Variants in AFF2 observed in about 807,000 individuals in gnomAD.
AFF2 encodes the protein AF4/FMR2 family member 2.
A neutral mutation model predicts 76.9 loss-of-function variants in AFF2; 14 were observed. The observed-to-expected ratio is 0.18, with a 90% CI of 0.12 to 0.28. The LOEUF (loss-of-function observed/expected upper bound fraction) is 0.28. AFF2 is among the 10% of genes least tolerant of loss of function. AFF2 has a pLI of 1.00. For synonymous variants in AFF2, 398 were observed against 366.7 expected (o/e 1.09, Z -0.98); for missense variants, 868 against 1,001.1 (o/e 0.87, Z 1.79).
intron 8 of AFF2, among the ~76,000 whole-genome samples, chrX:148,903,929 A>T (rs1466143709): frequency 9.0e-6 from 1 of 111,312 alleles, no homozygotes; most frequent in Non-Finnish European, 1.9e-5. Flanking sequence ...GACCCTAGTT[A>T]TGCACCCAGA....
At chrX:148,822,735 G>T (rs782556483) in intron 4 of AFF2, among the ~76,000 whole-genome samples, 10 of 109,306 alleles carry the variant, frequency 9.1e-5, no homozygotes, top group Non-Finnish European at 1.7e-4. Context: ...GTGTGTGTGT[G>T]TGTGGCTGAT....
intron 1 of AFF2, among the ~76,000 whole-genome samples, chrX:148,569,516 A>G (rs1273572532): frequency 8.9e-6 from 1 of 111,810 alleles, no homozygotes; most frequent in Non-Finnish European, 1.9e-5. Flanking sequence ...GACACATTTT[A>G]TTTCAGTTTT....
intron 3 of AFF2, among the ~76,000 whole-genome samples, chrX:148,766,690 G>A (rs1374227702): frequency 9.1e-6 from 1 of 110,466 alleles, no homozygotes; most frequent in Non-Finnish European, 1.9e-5. Context: ...CTTTTGCTGT[G>A]CAGAAGCTCT....
chrX:148,807,738 C>T (rs1222261331), intron 3 of AFF2, among the ~76,000 whole-genome samples: 2 of 112,609 alleles, frequency 1.8e-5, no homozygotes, highest in Non-Finnish European at 3.7e-5. Flanking sequence ...TTAAGCCTTT[C>T]TTATAATCCT....
chrX:148,980,063 T>C (rs1315924830), intron 18 of AFF2, among the ~76,000 whole-genome samples: 1 of 111,904 alleles, frequency 8.9e-6, no homozygotes, highest in Non-Finnish European at 1.9e-5. Context: ...GTAGTGGTAA[T>C]GCTGAATGTC....
At chrX:148,876,951 TGAG>T (rs1286789707) in intron 7 of AFF2, among the ~76,000 whole-genome samples, 1 of 111,223 alleles carries the variant, frequency 9.0e-6, no homozygotes, top group African/African-American at 3.3e-5. Context: ...CAGGTTCTGT[TGAG>T]GAGTTTTCTG....
intron 9 of AFF2, among the ~76,000 whole-genome samples, chrX:148,927,690 G>A (rs1557283935): frequency 1.8e-5 from 2 of 111,948 alleles, no homozygotes; most frequent in Non-Finnish European, 3.8e-5. Flanking sequence ...GTGGCGTTCT[G>A]CATTCTACTG....
At chrX:148,863,071 G>A (rs782112315) in intron 7 of AFF2, among the ~76,000 whole-genome samples, 1 of 111,777 alleles carries the variant, frequency 8.9e-6, no homozygotes, top group South Asian at 3.7e-4. Context: ...CTCAGTGATT[G>A]TATTTGGACT....
At chrX:148,855,200 C>T (rs782591455) in intron 7 of AFF2, among the ~76,000 whole-genome samples, 12 of 111,341 alleles carry the variant, frequency 1.1e-4, no homozygotes, top group Admixed American at 1.9e-4. Context: ...CCTCTCACCT[C>T]ATTTGCGAGT....
chrX:148,533,393 C>A (rs191011896), intron 1 of AFF2, among the ~76,000 whole-genome samples: 56 of 109,920 alleles, frequency 5.1e-4, no homozygotes, highest in African/African-American at 1.8e-3. Context: ...CCCGGGTTCA[C>A]GACATTCTCC....
At chrX:148,743,517 A>G (rs1366408654) in intron 3 of AFF2, among the ~76,000 whole-genome samples, 1 of 111,717 alleles carries the variant, frequency 9.0e-6, no homozygotes, top group Non-Finnish European at 1.9e-5. Flanking sequence ...TTCGGTAATG[A>G]TATTTAAATT....
At chrX:148,545,848 A>C (rs991730273) in intron 1 of AFF2, among the ~76,000 whole-genome samples, 1 of 111,377 alleles carries the variant, frequency 9.0e-6, no homozygotes, top group Non-Finnish European at 1.9e-5. Flanking sequence ...CTTGAGAATG[A>C]GCGTTTCTAA....
chrX:148,761,466 TG>T (rs368463224), intron 3 of AFF2, among the ~76,000 whole-genome samples: 11,480 of 92,323 alleles, frequency 0.12, 822 homozygotes, highest in African/African-American at 0.32. Context: ...CAGTTTTTTT[TG>T]TTTTTTTTTT....
At chrX:148,921,594 C>G (rs1453670351) in intron 9 of AFF2, among the ~76,000 whole-genome samples, 1 of 112,409 alleles carries the variant, frequency 8.9e-6, no homozygotes, top group Non-Finnish European at 1.9e-5. Flanking sequence ...CTAGCTGATT[C>G]TAACTAGGGA....
chrX:148,752,846 A>G (rs1174632908), intron 3 of AFF2, among the ~76,000 whole-genome samples: 3 of 112,064 alleles, frequency 2.7e-5, no homozygotes, highest in African/African-American at 9.7e-5. Flanking sequence ...AATATTTGAC[A>G]TGCTGCCAGG....
intron 1 of AFF2, among the ~76,000 whole-genome samples, chrX:148,583,621 T>C (rs1178757132): frequency 8.9e-6 from 1 of 111,925 alleles, no homozygotes; most frequent in Admixed American, 9.5e-5. Flanking sequence ...ATCTATTATA[T>C]ATTTTTTATC....
At chrX:148,678,940 A>T (rs1042229014) in intron 3 of AFF2, among the ~76,000 whole-genome samples, 2 of 111,360 alleles carry the variant, frequency 1.8e-5, no homozygotes, top group Admixed American at 1.9e-4. Context: ...ACAAAAAACA[A>T]AAAAGTATTA....
At chrX:148,626,752 C>T (rs1473867805) in intron 1 of AFF2, among the ~76,000 whole-genome samples, 1 of 111,317 alleles carries the variant, frequency 9.0e-6, no homozygotes, top group African/African-American at 3.3e-5. Flanking sequence ...ATCTCCCTCT[C>T]CTTTCTCTCG....
At chrX:148,807,375 A>G (rs1191083697) in intron 3 of AFF2, among the ~76,000 whole-genome samples, 2 of 112,082 alleles carry the variant, frequency 1.8e-5, no homozygotes, top group East Asian at 2.8e-4. Context: ...GCACATTCAC[A>G]TCACTTATTT....
Sources: gnomAD v4.1 joint callset for allele counts (sites outside exome capture counted in the v4.1 genomes callset) on GRCh38, gnomAD v4.1.1 for gene constraint, MANE v1.5 for transcripts, NCBI Gene and HGNC (gene_info 2026-07-23, HGNC 2026-07-21) for gene names.